ARHGAP21: variants seen among roughly 807,000 people sequenced by gnomAD.
ARHGAP21 encodes the protein rho GTPase-activating protein 21.
A neutral mutation model predicts 164.6 loss-of-function variants in ARHGAP21; 38 were observed. That is an observed-to-expected ratio of 0.23 (90% CI 0.18 to 0.30). The LOEUF (loss-of-function observed/expected upper bound fraction) is 0.30, where lower values mean the gene tolerates loss of function less well. Ranked by LOEUF, ARHGAP21 falls within the 10% of genes least tolerant of loss-of-function variation. The pLI, the probability that ARHGAP21 is intolerant of heterozygous loss-of-function variation, is 1.00. For synonymous variants in ARHGAP21, 766 were observed against 857.9 expected, an observed-to-expected ratio of 0.89 and a Z score of 1.87; for missense variants, 1,822 against 2,370.7, an observed-to-expected ratio of 0.77 and a Z score of 4.81.
At chr10:24,652,683 C>G (rs1319806638) in intron 4 of ARHGAP21, among the ~76,000 whole-genome samples, 4 of 152,168 alleles carry the variant, frequency 2.6e-5, no homozygotes, top group Non-Finnish European at 5.9e-5. Context: ...CCTCATTAGT[C>G]TTCAGGAAAT....
chr10:24,661,074 T>C (rs1377626352), intron 4 of ARHGAP21, among the ~76,000 whole-genome samples: 1 of 151,520 alleles, frequency 6.6e-6, no homozygotes, highest in Non-Finnish European at 1.5e-5. Flanking sequence ...ATTTTGATTA[T>C]TTATATTCAT....
At chr10:24,619,149 A>G (rs1834284489) in intron 9 of ARHGAP21, among the ~76,000 whole-genome samples, 1 of 152,218 alleles carries the variant, frequency 6.6e-6, no homozygotes, top group African/African-American at 2.4e-5. Context: ...TTGGTTTTTC[A>G]TTCACCTGAA....
intron 12 of ARHGAP21, among the ~76,000 whole-genome samples, chr10:24,602,557 T>TACTG (rs1592979850): frequency 1.3e-5 from 2 of 152,356 alleles, no homozygotes; most frequent in East Asian, 3.9e-4. Context: ...AATGTACAGC[T>TACTG]ACTGACTGTA....
At chr10:24,590,289 C>T (rs1410671204) in intron 24 of ARHGAP21, 3 of 1,532,366 alleles carry the variant, frequency 2.0e-6, no homozygotes, top group African/African-American at 2.7e-5. Flanking sequence ...GATCTGTTTA[C>T]AATAATCTTA....
rs369698657 is a variant in ARHGAP21 at position 24,600,882 on chromosome 10, G to A, written c.2896C>T (p.Arg966Trp). The part of the protein sequence containing the change: ...RPWKQMYVVL[R>W]GHSLYLYKDK... ...TTGTACAGGTAAAGTGAATGACCCC[G>A]AAGGACAACATACATCTGTTTCCAT... The change falls in exon 14 of 26, where the codon CGG becomes TGG. Residue 966 changes from arginine to tryptophan, a missense_variant. Physicochemically the swap from Arg to Trp is moderately radical, Grantham distance 101. This residue lies in a region of ARHGAP21 where 1,090 missense variants were observed against 1,378.9 expected (regional missense o/e 0.79). Coordinates refer to ENST00000396432, the MANE Select transcript of ARHGAP21 (RefSeq NM_020824.4). 1.2e-5 allele frequency: 19 copies of A among 1,614,012 alleles called. No individual in the cohort carries two copies. Among genetic ancestry groups the A allele is most frequent in the East Asian group, 2.2e-5 (1 of 44,888 alleles).
At chr10:24,606,976 G>C (rs1047407325) in intron 11 of ARHGAP21, among the ~76,000 whole-genome samples, 17 of 152,180 alleles carry the variant, frequency 1.1e-4, no homozygotes, top group Non-Finnish European at 2.5e-4. Flanking sequence ...GATAGCATAA[G>C]ATTTGATCAA....
At chr10:24,595,430 TGGC>T (rs2076537555) in intron 19 of ARHGAP21, among the ~76,000 whole-genome samples, 3 of 152,334 alleles carry the variant, frequency 2.0e-5, no homozygotes, top group Non-Finnish European at 4.4e-5. Context: ...CTTAAATACT[TGGC>T]TTGACTGAAA....
intron 14 of ARHGAP21, 151 bp downstream of exon 14, chr10:24,600,495 G>T: frequency 1.1e-6 from 1 of 922,156 alleles, no homozygotes; most frequent in Non-Finnish European, 1.6e-6. Flanking sequence ...TATAAAACAG[G>T]TATGTTTGAG....
At chr10:24,689,367 T>A (rs1842496800) in intron 2 of ARHGAP21, among the ~76,000 whole-genome samples, 1 of 152,178 alleles carries the variant, frequency 6.6e-6, no homozygotes. Flanking sequence ...ATAATTTAAC[T>A]TACCTGTCAT....
intron 2 of ARHGAP21, among the ~76,000 whole-genome samples, chr10:24,701,419 GA>G (rs925186679): frequency 9.5e-5 from 14 of 147,520 alleles, no homozygotes; most frequent in South Asian, 4.3e-4. Flanking sequence ...TTCTTTCAAA[GA>G]AAAAAAAAAG....
intron 2 of ARHGAP21, among the ~76,000 whole-genome samples, chr10:24,693,114 G>A (rs992947096): frequency 6.6e-6 from 1 of 152,180 alleles, no homozygotes; most frequent in Non-Finnish European, 1.5e-5. Flanking sequence ...GCATAACAGA[G>A]GCTTCTGAGG....
intron 23 of ARHGAP21, 53 bp from the exon 24 acceptor site, chr10:24,591,383 T>A: frequency 6.8e-7 from 1 of 1,469,206 alleles, no homozygotes; most frequent in Non-Finnish European, 9.4e-7. Flanking sequence ...ATACTTTCTT[T>A]AAAATTTAAA....
intron 4 of ARHGAP21, among the ~76,000 whole-genome samples, chr10:24,647,797 T>A (rs1362331343): frequency 6.6e-6 from 1 of 152,218 alleles, no homozygotes; most frequent in Non-Finnish European, 1.5e-5. Context: ...TCCATAAAAA[T>A]ACTGAAAAGT....
At chr10:24,684,784 G>A (rs938172695) in intron 2 of ARHGAP21, among the ~76,000 whole-genome samples, 5 of 152,058 alleles carry the variant, frequency 3.3e-5, no homozygotes, top group Non-Finnish European at 7.4e-5. Context: ...GATTACAGGC[G>A]CCCGCCATCT....
At chr10:24,652,960 A>G (rs1357131206) in intron 4 of ARHGAP21, among the ~76,000 whole-genome samples, 5 of 152,264 alleles carry the variant, frequency 3.3e-5, no homozygotes, top group African/African-American at 1.2e-4. Flanking sequence ...TACACATACA[A>G]GAATACTCAT....
At position 24,591,268 on chromosome 10, in the gene ARHGAP21, G is replaced by C; in HGVS notation, c.4107C>G (p.Leu1369=). The C allele has an allele frequency of 6.2e-7, 1 of 1,612,712 alleles. No homozygotes were observed. The highest frequency in any genetic ancestry group is 8.5e-7 in the Non-Finnish European group (1 of 1,179,958). Reference sequence around the variant, plus strand: ...AGACTCCTGTCCTTCCAATGTTGGTGAGTAAATGATCTATGTTTGGCACTG... The same window carrying C: ...AGACTCCTGTCCTTCCAATGTTGGTCAGTAAATGATCTATGTTTGGCACTG... The part of the protein sequence containing the change: ...SQPVPNIDHL[L]TNIGRTGVSP... Residue 1369 remains leucine (L), a synonymous_variant, in exon 24 of 26, where the codon CTC becomes CTG. Transcript: ENST00000396432.
At chr10:24,592,494 A>C (rs2076376824) in intron 21 of ARHGAP21, among the ~76,000 whole-genome samples, 1 of 152,188 alleles carries the variant, frequency 6.6e-6, no homozygotes, top group African/African-American at 2.4e-5. Context: ...GGATTAACTG[A>C]TAAAAATGTT....
intron 25 of ARHGAP21, 113 bp from the exon 26 acceptor site, chr10:24,586,219 G>C (rs2076096324): frequency 1.5e-6 from 2 of 1,334,900 alleles, no homozygotes; most frequent in Non-Finnish European, 2.0e-6. Context: ...TAAAGCTCTG[G>C]AAGCATTAAC....
intron 9 of ARHGAP21, among the ~76,000 whole-genome samples, chr10:24,618,960 C>T (rs1244134245): frequency 1.3e-5 from 2 of 152,126 alleles, no homozygotes; most frequent in Non-Finnish European, 2.9e-5. Context: ...CTGTGGCACA[C>T]GCTTATAATT....
Sources: gnomAD v4.1 joint callset for allele counts (sites outside exome capture counted in the v4.1 genomes callset) on GRCh38, gnomAD v4.1.1 for gene constraint, gnomAD v4.1.1 regional missense constraint, MANE v1.5 for transcripts, NCBI Gene and HGNC (gene_info 2026-07-23, HGNC 2026-07-21) for gene names.